The following EYS variants were observed in gnomAD, a reference collection of about 807,000 sequenced individuals.
The protein encoded by EYS is EGF-like photoreceptor maintenance factor.
A neutral mutation model predicts 282.1 loss-of-function variants in EYS; 250 were observed. The observed-to-expected ratio is 0.89, with a 90% CI of 0.80 to 0.98. EYS has a LOEUF of 0.98. Ranked by LOEUF, EYS falls within the 50% of genes least tolerant of loss-of-function variation. The pLI, the probability that EYS is intolerant of heterozygous loss-of-function variation, is 0.00. For synonymous variants in EYS, 1,355 were observed against 1,282.9 expected, an observed-to-expected ratio of 1.06 and a Z score of -1.20; for missense variants, 4,016 against 3,709.0, an observed-to-expected ratio of 1.08 and a Z score of -2.15.
intron 33 of EYS, among the ~76,000 whole-genome samples, chr6:64,031,878 A>G (rs187155189): frequency 6.6e-6 from 1 of 152,164 alleles, no homozygotes; most frequent in Non-Finnish European, 1.5e-5. Flanking sequence ...GGGTGGGGCC[A>G]GATAAGGGAA....
In EYS at chr6:64,776,770, G is replaced by A. The variant is rs549740311; in HGVS notation, c.3443+36608C>T. 9.2e-5 allele frequency among the ~76,000 whole-genome samples: 14 copies of A among 152,144 alleles called. 1 individual carries two copies. The highest frequency in any genetic ancestry group is 3.4e-4 in the African/African-American group (14 of 41,538). The stretch of plus-strand genomic sequence containing the variant: ...GCCACACTGTCCAGTTGGTATCTTA[G>A]ACTAAAATAGTTGACACTTGCTGAA... On this transcript the variant is annotated intron_variant, in intron 22 of 42. Transcript: ENST00000503581.
chr6:65,516,243 A>G (rs577161685), intron 2 of EYS, among the ~76,000 whole-genome samples: 2 of 152,190 alleles, frequency 1.3e-5, no homozygotes, highest in South Asian at 4.1e-4. Flanking sequence ...ATATGAATAA[A>G]CCTTTTATTT....
intron 30 of EYS, among the ~76,000 whole-genome samples, chr6:64,234,301 T>G (rs1766517599): frequency 6.6e-6 from 1 of 152,184 alleles, no homozygotes; most frequent in Non-Finnish European, 1.5e-5. Context: ...AACACATACT[T>G]CATTCCACTT....
chr6:64,809,845 G>A (rs985252174), intron 22 of EYS, among the ~76,000 whole-genome samples: 1 of 152,030 alleles, frequency 6.6e-6, no homozygotes, highest in Non-Finnish European at 1.5e-5. Flanking sequence ...AAAAGGAGCT[G>A]AAGAACCTCT....
chr6:64,031,610 A>G (rs1769843123), intron 33 of EYS, among the ~76,000 whole-genome samples: 1 of 152,116 alleles, frequency 6.6e-6, no homozygotes, highest in Admixed American at 6.5e-5. Flanking sequence ...GACTTGCAGA[A>G]CCTTTATGTC....
At chr6:64,213,239 A>G (rs908675125) in intron 31 of EYS, among the ~76,000 whole-genome samples, 1 of 152,022 alleles carries the variant, frequency 6.6e-6, no homozygotes, top group Non-Finnish European at 1.5e-5. Flanking sequence ...AAAAATTTCA[A>G]CATAAGTTTT....
intron 22 of EYS, among the ~76,000 whole-genome samples, chr6:64,666,325 A>G (rs1477598412): frequency 6.6e-6 from 1 of 152,196 alleles, no homozygotes; most frequent in Non-Finnish European, 1.5e-5. Context: ...ATGACAACAT[A>G]TCTTTCACCT....
At chr6:65,259,269 G>C (rs1767554453) in intron 12 of EYS, among the ~76,000 whole-genome samples, 1 of 151,954 alleles carries the variant, frequency 6.6e-6, no homozygotes, top group Non-Finnish European at 1.5e-5. Flanking sequence ...TTCCCTCCTG[G>C]TGGTAACAAA....
chr6:64,950,815 ATATATATATATATATATATT>A lies in EYS; in HGVS notation c.2260-4921_2260-4902del, dbSNP rs1769472157. Among the ~76,000 whole-genome samples, 19 of 111,302 alleles carry A rather than the reference ATATATATATATATATATATT, an allele frequency of 1.7e-4. 1 individual carries two copies. Among genetic ancestry groups the A allele is most frequent in the African/African-American group, 3.8e-4 (13 of 33,982 alleles). The allele number at this position is 111,302 out of a possible 152,430, so 73.0% of individuals were successfully genotyped here. A position where few individuals can be genotyped will look rare whatever the true frequency, so the allele number is the denominator to read the frequency against. ...TACATATACATATATATATATATAT[ATATATATATATATATATATT>A]GTTGAATTGTTACAAGAACAACTGA... On this transcript the variant is annotated intron_variant, in intron 14 of 42. Coordinates refer to ENST00000503581, the MANE Select transcript of EYS (RefSeq NM_001142800.2).
At chr6:64,813,893 T>TAACA (rs1447596934) in intron 21 of EYS, among the ~76,000 whole-genome samples, 2 of 152,014 alleles carry the variant, frequency 1.3e-5, no homozygotes, top group African/African-American at 4.8e-5. Context: ...CCTCTGCAGA[T>TAACA]AACAGAATTC....
chr6:64,325,181 CCTGGAGATATCTCAAATA>C (rs1770365357), intron 29 of EYS, among the ~76,000 whole-genome samples: 1 of 152,096 alleles, frequency 6.6e-6, no homozygotes, highest in Non-Finnish European at 1.5e-5. Flanking sequence ...CCTGCAGGAC[CCTGGAGATATCTCAAATA>C]CTGTGCTGGT....
intron 11 of EYS, chr6:65,332,312 A>T: frequency 1.4e-6 from 1 of 718,956 alleles, no homozygotes; most frequent in South Asian, 1.5e-5. Flanking sequence ...ATTTTAAGCC[A>T]CTAAATCAAA....
At chr6:64,627,061 C>A (rs139037347) in intron 22 of EYS, among the ~76,000 whole-genome samples, 223 of 152,238 alleles carry the variant, frequency 1.5e-3, no homozygotes, top group African/African-American at 5.1e-3. Flanking sequence ...GCTGTTAAAC[C>A]ATGCTTCAAG....
At chr6:64,819,229 G>T (rs1316707091) in intron 21 of EYS, among the ~76,000 whole-genome samples, 1 of 151,968 alleles carries the variant, frequency 6.6e-6, no homozygotes, top group East Asian at 1.9e-4. Flanking sequence ...TGGTCAGGTA[G>T]GAAATATATC....
At chr6:64,607,903 T>C (rs918916710) in intron 24 of EYS, among the ~76,000 whole-genome samples, 3 of 152,134 alleles carry the variant, frequency 2.0e-5, no homozygotes, top group African/African-American at 2.4e-5. Flanking sequence ...ATCATCACCA[T>C]AGGAATAAAT....
intron 33 of EYS, among the ~76,000 whole-genome samples, chr6:64,002,496 G>A (rs1267585131): frequency 2.0e-5 from 3 of 152,184 alleles, no homozygotes; most frequent in African/African-American, 7.2e-5. Context: ...TGCCCACTTG[G>A]GTTTCGGGAG....
At chr6:65,407,293 T>C (rs1012715147) in intron 5 of EYS, among the ~76,000 whole-genome samples, 1 of 152,174 alleles carries the variant, frequency 6.6e-6, no homozygotes, top group Non-Finnish European at 1.5e-5. Flanking sequence ...TCTCGCTGTG[T>C]TGCCCAGGCT....
rs141836704 is a variant in EYS at position 65,546,780 on chromosome 6, G to A, written c.-332-50787C>T. On this transcript the variant is annotated intron_variant, in intron 2 of 42. Transcript: ENST00000503581. ...GAGATGGGGTTTCACCCTGTTGGCC[G>A]GGGCGGTCTTGAAATACTGACCTCA... 1.6e-3 allele frequency among the ~76,000 whole-genome samples: 244 copies of A among 151,920 alleles called. 1 individual carries two copies. The highest frequency in any genetic ancestry group is 5.2e-3 in the African/African-American group (217 of 41,468).
intron 12 of EYS, among the ~76,000 whole-genome samples, chr6:65,080,324 A>G (rs1774196043): frequency 6.6e-6 from 1 of 152,100 alleles, no homozygotes; most frequent in Admixed American, 6.6e-5. Flanking sequence ...AGTAACAATA[A>G]CATAATTGTT....
Sources: gnomAD v4.1 joint callset for allele counts (sites outside exome capture counted in the v4.1 genomes callset) on GRCh38, gnomAD v4.1.1 for gene constraint, MANE v1.5 for transcripts, NCBI Gene and HGNC (gene_info 2026-07-23, HGNC 2026-07-21) for gene names.